The following SERPINB6 variants were observed in gnomAD, a reference collection of about 807,000 sequenced individuals.
The protein encoded by SERPINB6 is serpin B6.
A neutral mutation model predicts 26.1 loss-of-function variants in SERPINB6; 16 were observed. That is an observed-to-expected ratio of 0.61 (90% CI 0.42 to 0.93). The LOEUF (loss-of-function observed/expected upper bound fraction) is 0.93. Ranked by LOEUF, SERPINB6 falls within the 40% of genes least tolerant of loss-of-function variation. SERPINB6 has a pLI of 0.00. For missense variants in SERPINB6, 420 were observed against 478.0 expected, an observed-to-expected ratio of 0.88 and a Z score of 1.13; for synonymous variants, 174 against 176.6, an observed-to-expected ratio of 0.99 and a Z score of 0.11.
At position 2,953,109 on chromosome 6, in the gene SERPINB6, T is replaced by A. The variant is rs1308307779; in HGVS notation, c.508A>T (p.Arg170Ter). ...RLVLVNAVYF[R>*]GNWDEQFDKE... Reference sequence around the variant, plus strand: ...TCAAACTGTTCATCCCAGTTTCCTCTGAAATAGACAGCATTCACCAGAACC... The same window carrying A: ...TCAAACTGTTCATCCCAGTTTCCTCAGAAATAGACAGCATTCACCAGAACC... Residue 170 changes from arginine to a stop codon, truncating the protein, a stop_gained, in exon 5 of 7, where the codon AGA becomes TGA. Coordinates refer to ENST00000380539, the MANE Select transcript of SERPINB6 (RefSeq NM_004568.6). LOFTEE classifies it high-confidence loss of function. 2 of 1,614,228 alleles carry A rather than the reference T, an allele frequency of 1.2e-6. No individual in the cohort carries two copies. Among genetic ancestry groups the A allele is most frequent in the Non-Finnish European group, 1.7e-6 (2 of 1,180,042 alleles).
At chr6:2,965,829 C>T (rs995762385) in intron 1 of SERPINB6, among the ~76,000 whole-genome samples, 3 of 152,186 alleles carry the variant, frequency 2.0e-5, no homozygotes, top group Admixed American at 6.5e-5. Flanking sequence ...CCTAAGGGAT[C>T]ATCCCTTTCT....
chr6:2,956,985 TCCAG>T (rs1770579551), intron 2 of SERPINB6: 1 of 152,216 alleles, frequency 6.6e-6, no homozygotes, highest in Non-Finnish European at 1.5e-5. Context: ...CATTGTTATT[TCCAG>T]CCACTAAGTT....
intron 1 of SERPINB6, chr6:2,968,784 G>A: frequency 8.1e-7 from 1 of 1,231,608 alleles, no homozygotes; most frequent in East Asian, 3.2e-5. Flanking sequence ...TTTACATGGA[G>A]GAAGTTCTGT....
intron 4 of SERPINB6, among the ~76,000 whole-genome samples, chr6:2,953,860 C>T (rs938781999): frequency 6.6e-6 from 1 of 151,872 alleles, no homozygotes; most frequent in Non-Finnish European, 1.5e-5. Flanking sequence ...GAAAACCTGT[C>T]TCTACTAAAA....
In SERPINB6 at chr6:2,948,763, A is replaced by G. The variant is rs1404371101; in HGVS notation, c.730-64T>C. On this transcript the variant is annotated intron_variant, in intron 6 of 6. Coordinates refer to ENST00000380539, the MANE Select transcript of SERPINB6 (RefSeq NM_004568.6). This position sits in a 1 kb window ranked among gnomAD's most constrained non-coding sequence, Gnocchi z 5.0. ...CTGCTGCCCAGCAGGGCCCTGTGCT[A>G]TGCTGTGGATGCCAGACACCAGTGG... is the stretch of plus-strand genomic sequence containing the variant. 1.9e-6 allele frequency: 3 copies of G among 1,565,002 alleles called. No homozygotes were observed. The South Asian group carries it at 3.3e-5, about 17-fold the overall frequency.
rs757907504 is a variant in SERPINB6 at position 2,948,299 on chromosome 6, C to G, written c.1130G>C (p.Ter377SerextTer37). 1 of 1,613,396 alleles carries G rather than the reference C, an allele frequency of 6.2e-7. No individual in the cohort carries two copies. The highest frequency in any genetic ancestry group is 8.5e-7 in the Non-Finnish European group (1 of 1,179,964). Residue 377 changes from the stop codon to serine, a stop_lost, in exon 7 of 7, where the codon TGA becomes TCA. Transcript: ENST00000380539. The surrounding 1 kb of genome is among the most constrained non-coding windows in gnomAD (Gnocchi z 5.0). The stretch of plus-strand genomic sequence containing the variant: ...CTGCACACCAAGACTGCCCTGTCCT[C>G]ACGGAGAGGAAAAGCGGCCGCAGAA... Reference protein sequence around the residue: ...ILFCGRFSSP* With the variant: ...ILFCGRFSSPS
chr6:2,949,159 A>T, intron 5 of SERPINB6, 90 bp from the exon 6 acceptor site: 1 of 1,422,802 alleles, frequency 7.0e-7, no homozygotes, highest in South Asian at 1.2e-5. Context: ...CTCTGCAGGG[A>T]GAAACGCAGC....
rs545353330 is a variant in SERPINB6, at chr6:2,962,274, T to C, written c.-10-2932A>G. On this transcript the variant is annotated intron_variant, in intron 1 of 6. Coordinates refer to ENST00000380539, the MANE Select transcript of SERPINB6 (RefSeq NM_004568.6). The stretch of plus-strand genomic sequence containing the variant: ...GTTTCACTGTGTCAGGGGATTTAAT[T>C]TGAAATACTGAACTGGAGAAACCAA... 20 of 937,226 alleles carry C rather than the reference T, an allele frequency of 2.1e-5. No individual in the cohort carries two copies. The South Asian group carries it at 4.4e-4, about 21-fold the overall frequency. The allele number at this position is 937,226 out of a possible 1,614,324, so 58.1% of individuals were successfully genotyped here.
At chr6:2,968,488 T>C in intron 1 of SERPINB6, 1 of 1,080,016 alleles carries the variant, frequency 9.3e-7, no homozygotes, top group Non-Finnish European at 1.1e-6. Flanking sequence ...AGAAATCATA[T>C]AAATGAATGT....
At chr6:2,970,096 C>T (rs561872150) in intron 1 of SERPINB6, 17 of 984,872 alleles carry the variant, frequency 1.7e-5, no homozygotes, top group Non-Finnish European at 1.9e-5. Context: ...CTTTGGATGC[C>T]TTGGCTTAAT....
intron 1 of SERPINB6, chr6:2,961,887 C>T (rs1771154323): frequency 4.1e-6 from 4 of 985,188 alleles, no homozygotes; most frequent in Non-Finnish European, 4.8e-6. Flanking sequence ...TGCTGAAGGA[C>T]TCTTACGCTT....
intron 1 of SERPINB6, chr6:2,969,645 A>C (rs1350530808): frequency 1.0e-6 from 1 of 985,082 alleles, no homozygotes; most frequent in Non-Finnish European, 1.2e-6. Context: ...GTCACTATTG[A>C]ATTGTGCTTC....
chr6:2,967,373 A>G lies in SERPINB6; in HGVS notation c.-11+4160T>C, dbSNP rs1220301636. On this transcript the variant is annotated intron_variant, in intron 1 of 6. Transcript: ENST00000380539. The surrounding 1 kb of genome is among the most constrained non-coding windows in gnomAD (Gnocchi z 4.3). Reference sequence around the variant, plus strand: ...CAATCTAGGCAATACCATTCTGGACATAGGAACAGGCAAAGATTTCATGAC... The same window carrying G: ...CAATCTAGGCAATACCATTCTGGACGTAGGAACAGGCAAAGATTTCATGAC... 3 of 232,238 alleles carry G rather than the reference A, an allele frequency of 1.3e-5. No homozygotes were observed. The highest frequency in any genetic ancestry group is 2.1e-5 in the Non-Finnish European group (3 of 141,500). 14.4% of individuals were successfully genotyped at this position (232,238 alleles called of 1,614,324 possible).
intron 1 of SERPINB6, chr6:2,968,395 T>C: frequency 1.4e-6 from 1 of 722,818 alleles, no homozygotes; most frequent in Non-Finnish European, 1.7e-6. Flanking sequence ...CACAACAACC[T>C]GCGACATGAG....
At chr6:2,954,101 G>A (rs1437294065) in intron 4 of SERPINB6, among the ~76,000 whole-genome samples, 2 of 148,746 alleles carry the variant, frequency 1.3e-5, no homozygotes, top group African/African-American at 5.0e-5. Context: ...CTAGGTGACA[G>A]AGGGAGACCT....
intron 5 of SERPINB6, among the ~76,000 whole-genome samples, chr6:2,951,057 C>T (rs570905210): frequency 2.6e-5 from 4 of 152,294 alleles, no homozygotes; most frequent in East Asian, 1.9e-4. Context: ...TCCGTCACAA[C>T]GACTCAGCTG....
Position 2,949,061 on chromosome 6 carries a change from C to T in SERPINB6, c.582G>A (p.Glu194=), listed in dbSNP as rs1769470222. The part of the protein sequence containing the change: ...ERLFKVSKNE[E]KPVQMMFKQS... Reference sequence around the variant, plus strand: ...GCTTAAACATCATTTGCACAGGTTTCTCCTCATTCTACAAAGAAAACAGAT... The same window carrying T: ...GCTTAAACATCATTTGCACAGGTTTTTCCTCATTCTACAAAGAAAACAGAT... Residue 194 remains glutamate, a synonymous_variant, in exon 6 of 7, where the codon GAG becomes GAA. Transcript: ENST00000380539. 1.2e-6 allele frequency: 2 copies of T among 1,614,004 alleles called. No homozygotes were observed. Among genetic ancestry groups the T allele is most frequent in the South Asian group, 1.1e-5 (1 of 91,076 alleles).
chr6:2,952,133 T>A (rs1379641512), intron 5 of SERPINB6, among the ~76,000 whole-genome samples: 1 of 152,216 alleles, frequency 6.6e-6, no homozygotes, highest in Admixed American at 6.5e-5. Flanking sequence ...CCCTTGTACA[T>A]CTTGTTAATC....
At chr6:2,960,728 G>T (rs1010838272) in intron 1 of SERPINB6, 4 of 152,334 alleles carry the variant, frequency 2.6e-5, no homozygotes, top group African/African-American at 9.7e-5. Context: ...TGGAGCTGGG[G>T]TTGGCTGAGC....
Sources: allele counts gnomAD v4.1 joint callset (sites outside exome capture counted in the v4.1 genomes callset), GRCh38; gene constraint gnomAD v4.1.1; non-coding constraint Gnocchi (gnomAD v3.1); transcripts MANE v1.5; gene names NCBI Gene and HGNC (gene_info 2026-07-23, HGNC 2026-07-21).